ZC3H13: variants seen among roughly 807,000 people sequenced by gnomAD.
ZC3H13 encodes the protein zinc finger CCCH domain-containing protein 13.
ZC3H13 carries 64 observed loss-of-function variants against 204.1 expected under a neutral mutation model. The observed-to-expected ratio is 0.31, with a 90% CI of 0.26 to 0.39. ZC3H13 has a LOEUF of 0.39. Among genes scored for constraint, ZC3H13 ranks in the 10% least tolerant of loss-of-function variants. The pLI, the probability that ZC3H13 is intolerant of heterozygous loss-of-function variation, is 1.00. For synonymous variants in ZC3H13, 667 were observed against 693.7 expected (o/e 0.96, Z 0.60); for missense variants, 1,833 against 2,082.7 (o/e 0.88, Z 2.33).
Position 45,963,847 on chromosome 13 carries a change from G to T in ZC3H13, c.4670C>A (p.Pro1557His). The T allele has an allele frequency of 6.2e-7, 1 of 1,613,790 alleles. No individual in the cohort carries two copies. Among genetic ancestry groups the T allele is most frequent in the Non-Finnish European group, 8.5e-7 (1 of 1,179,888 alleles). ...TTAAAGTAAAATGAAACTACCTTTGGGTTTTTCTAAAAGTCTCTGACATGT... is the reference window on the plus strand; with the variant it reads ...TTAAAGTAAAATGAAACTACCTTTGTGTTTTTCTAAAAGTCTCTGACATGT... Reference protein sequence around the residue: ...KETCQRLLEKPKDADNLFEHE... With the variant: ...KETCQRLLEKHKDADNLFEHE... The change falls in exon 17 of 19, where the codon CCC (proline) becomes CAC (histidine). Residue 1557 changes from proline to histidine, a missense_variant. Pro to His is a moderately conservative substitution (Grantham distance 77). Transcript: ENST00000679008.
intron 4 of ZC3H13, among the ~76,000 whole-genome samples, chr13:46,036,832 G>A (rs1015603568): frequency 6.6e-6 from 1 of 151,832 alleles, no homozygotes; most frequent in Non-Finnish European, 1.5e-5. Flanking sequence ...AATTCTCCTG[G>A]CTCAGCCTCC....
At position 45,985,689 on chromosome 13, in the gene ZC3H13, G is replaced by T; in HGVS notation, c.1328C>A (p.Ser443Tyr). ...EREYEQDQSS[S>Y]RDHRDDREPR... ...TTCTCTGTCATCTCTGTGGTCTCTA[G>T]AAGAGCTCTGATCCTGTTCATATTC... The change falls in exon 10 of 19, where the codon TCT becomes TAT. Residue 443 changes from serine to tyrosine, a missense_variant. By Grantham distance (144) the Ser-to-Tyr change is moderately radical. Coordinates refer to ENST00000679008, the MANE Select transcript of ZC3H13 (RefSeq NM_001330564.2). The T allele has an allele frequency of 6.2e-7, 1 of 1,613,936 alleles. No homozygotes were observed. Among genetic ancestry groups the T allele is most frequent in the Non-Finnish European group, 8.5e-7 (1 of 1,180,002 alleles).
At chr13:46,037,753 T>C (rs957777433) in intron 4 of ZC3H13, among the ~76,000 whole-genome samples, 2 of 152,190 alleles carry the variant, frequency 1.3e-5, no homozygotes, top group African/African-American at 4.8e-5. Context: ...TTCCTTGTTG[T>C]AACATTAAAA....
chr13:46,006,238 T>G (rs990125340), intron 7 of ZC3H13, among the ~76,000 whole-genome samples: 2 of 152,084 alleles, frequency 1.3e-5, no homozygotes, highest in Admixed American at 6.6e-5. Context: ...TCAGCACTCC[T>G]GGCTTACTGG....
chr13:46,050,784 G>C (rs2044347277), intron 1 of ZC3H13, among the ~76,000 whole-genome samples: 1 of 151,156 alleles, frequency 6.6e-6, no homozygotes, highest in South Asian at 2.1e-4. Flanking sequence ...AATTAGCAAA[G>C]CAACACTGCA....
chr13:46,034,813 C>G (rs2043111574), intron 4 of ZC3H13, among the ~76,000 whole-genome samples: 1 of 151,990 alleles, frequency 6.6e-6, no homozygotes, highest in Non-Finnish European at 1.5e-5. Context: ...GAAGGGACAT[C>G]TGGGCATAAA....
In ZC3H13 at chr13:45,985,717, G is replaced by A. The variant is rs375283519; in HGVS notation, c.1300C>T (p.Arg434Ter). The change falls in exon 10 of 19, where the codon CGA (arginine) becomes TGA (stop). Residue 434 changes from arginine to a stop codon, truncating the protein, a stop_gained. Coordinates refer to ENST00000679008, the MANE Select transcript of ZC3H13 (RefSeq NM_001330564.2). LOFTEE classifies it high-confidence loss of function. ...GAGCTCTGATCCTGTTCATATTCTC[G>A]TTCTTCTCTTGAGTCCTTTTCTCTG... is the stretch of plus-strand genomic sequence containing the variant. ...RDREKDSREE[R>*]EYEQDQSSSR... is the part of the protein sequence containing the mutation. The A allele has an allele frequency of 1.2e-6, 2 of 1,612,900 alleles. No homozygotes were observed. Among genetic ancestry groups the A allele is most frequent in the African/African-American group, 1.3e-5 (1 of 74,656 alleles).
chr13:46,005,701 C>T (rs961243984), intron 7 of ZC3H13, among the ~76,000 whole-genome samples: 1 of 152,250 alleles, frequency 6.6e-6, no homozygotes, highest in East Asian at 1.9e-4. Context: ...GTTATCCAGG[C>T]TGGTCTCAAA....
Position 45,969,137 on chromosome 13 carries a change from G to A in ZC3H13, c.3407C>T (p.Thr1136Ile). 1 of 1,614,132 alleles carries A rather than the reference G, an allele frequency of 6.2e-7. No individual in the cohort carries two copies. The highest frequency in any genetic ancestry group is 8.5e-7 in the Non-Finnish European group (1 of 1,180,024). Residue 1136 changes from threonine (T) to isoleucine (I), a missense_variant, in exon 14 of 19, where the codon ACT (threonine) becomes ATT (isoleucine). By Grantham distance (89) the Thr-to-Ile change is moderately conservative (BLOSUM62 -1). Around this residue, in one of 5 missense-constraint regions of ZC3H13, gnomAD observed 1,574 missense variants for 1,757.2 expected, o/e 0.90. Transcript: ENST00000679008. ...AATSFSTSAI[T>I]ISTSATPTNT... ...GGTGGGGGTGGCAGAGGTGGAAATAGTGATGGCAGATGTGCTGAAAGAGGT... is the reference window on the plus strand; with the variant it reads ...GGTGGGGGTGGCAGAGGTGGAAATAATGATGGCAGATGTGCTGAAAGAGGT...
rs553898553 is a variant in ZC3H13 at position 45,983,593 on chromosome 13, A to AT, written c.1720+1703dup. ...AGGCGCCCACCACCACGCCCGGCTA[A>AT]TTTTTTTGTATTTTTAGTAGAGACG... On this transcript the variant is annotated intron_variant, in intron 10 of 18. Coordinates refer to ENST00000679008, the MANE Select transcript of ZC3H13 (RefSeq NM_001330564.2). Among the ~76,000 whole-genome samples, 1,069 of 146,506 alleles carry AT rather than the reference A, an allele frequency of 7.3e-3. 15 individuals are homozygous for AT. The highest frequency in any genetic ancestry group is 0.026 in the African/African-American group (999 of 39,066).
At chr13:45,975,961 T>C in intron 11 of ZC3H13, 123 bp from the exon 12 acceptor site, 3 of 1,399,934 alleles carry the variant, frequency 2.1e-6, no homozygotes, top group South Asian at 1.7e-5. Flanking sequence ...ACAAACCAAG[T>C]AGCATATTTA....
intron 12 of ZC3H13, among the ~76,000 whole-genome samples, chr13:45,972,161 A>G (rs554856147): frequency 6.6e-6 from 1 of 152,210 alleles, no homozygotes; most frequent in African/African-American, 2.4e-5. Context: ...TACCCAAAGG[A>G]AAAGAAGTCA....
chr13:46,050,288 A>C (rs2044310477), intron 1 of ZC3H13, among the ~76,000 whole-genome samples: 1 of 152,138 alleles, frequency 6.6e-6, no homozygotes, highest in Admixed American at 6.5e-5. Context: ...AGAAAGGAGA[A>C]GCATACAAAA....
rs1327105388 is a variant in ZC3H13 at position 46,011,554 on chromosome 13, T to C, written c.449A>G (p.Asp150Gly). Reference sequence around the variant, plus strand: ...ATAATTAATATCTCCATTGTCAGAATCTTTAAAATAAAATTGCATTACTGT... The same window carrying C: ...ATAATTAATATCTCCATTGTCAGAACCTTTAAAATAAAATTGCATTACTGT... Reference protein sequence around the residue: ...ENVEWETNRDDSDNGDINYDY... With the variant: ...ENVEWETNRDGSDNGDINYDY... Residue 150 changes from aspartate (D) to glycine (G), a missense_variant and splice_region_variant, in exon 6 of 19, where the codon GAT (aspartate) becomes GGT (glycine). Transcript: ENST00000679008. 1 of 1,556,626 alleles carries C rather than the reference T, an allele frequency of 6.4e-7. No individual in the cohort carries two copies. The highest frequency in any genetic ancestry group is 8.7e-7 in the Non-Finnish European group (1 of 1,154,510).
At position 45,985,205 on chromosome 13, in the gene ZC3H13, A is replaced by T. The variant is rs182414150; in HGVS notation, c.1720+92T>A. ...AATTAAAAATTACTGTGACAAAATG[A>T]TAACAAATGTAAGAAACAACATATT... On this transcript the variant is annotated intron_variant, in intron 10 of 18. Coordinates refer to ENST00000679008, the MANE Select transcript of ZC3H13 (RefSeq NM_001330564.2). The T allele has an allele frequency of 4.3e-5, 55 of 1,264,586 alleles. No homozygotes were observed. In the African/African-American group the frequency reaches 7.4e-4, roughly 17 times the overall value. The allele number at this position is 1,264,586 out of a possible 1,614,324, so 78.3% of individuals were successfully genotyped here.
At position 45,965,399 on chromosome 13, in the gene ZC3H13, T is replaced by A; in HGVS notation, c.4355A>T (p.His1452Leu). The change falls in exon 16 of 19, where the codon CAT (histidine) becomes CTT (leucine). Residue 1452 changes from histidine (H) to leucine (L), a missense_variant. His to Leu is a moderately conservative substitution (Grantham distance 99, BLOSUM62 -3). Coordinates refer to ENST00000679008, the MANE Select transcript of ZC3H13 (RefSeq NM_001330564.2). ...GDDESKLDDA[H>L]SLGSGAGEGY... ...TTCTCCAGCACCAGAGCCTAATGAATGTGCATCATCTAACTTGGACTCGTC... is the reference window on the plus strand; with the variant it reads ...TTCTCCAGCACCAGAGCCTAATGAAAGTGCATCATCTAACTTGGACTCGTC... 6.2e-7 allele frequency: 1 copy of A among 1,613,656 alleles called. No individual in the cohort carries two copies. Among genetic ancestry groups the A allele is most frequent in the East Asian group, 2.2e-5 (1 of 44,834 alleles).
chr13:46,029,451 C>T (rs58271038), intron 4 of ZC3H13, among the ~76,000 whole-genome samples: 2,117 of 127,246 alleles, frequency 0.017, 19 homozygotes, highest in Middle Eastern at 0.062. Flanking sequence ...TTTTTTGAGA[C>T]GGAGTCTCGC....
At chr13:45,968,381 C>T (rs1311885436) in intron 14 of ZC3H13, among the ~76,000 whole-genome samples, 1 of 151,972 alleles carries the variant, frequency 6.6e-6, no homozygotes, top group African/African-American at 2.4e-5. Flanking sequence ...ATTTGATCTC[C>T]TCCTACTCCC....
chr13:46,011,376 T>A (rs2041551379), intron 6 of ZC3H13, 39 bp downstream of exon 6: 2 of 1,550,952 alleles, frequency 1.3e-6, no homozygotes, highest in Admixed American at 3.9e-5. Flanking sequence ...CAAATGCTGC[T>A]ATTAAGTACT....
Sources: gnomAD v4.1 joint callset for allele counts (sites outside exome capture counted in the v4.1 genomes callset) on GRCh38, gnomAD v4.1.1 for gene constraint, gnomAD v4.1.1 regional missense constraint, MANE v1.5 for transcripts, NCBI Gene and HGNC (gene_info 2026-07-23, HGNC 2026-07-21) for gene names.